Variants in RUBCN observed in about 807,000 individuals in gnomAD.
The protein encoded by RUBCN is run domain Beclin-1-interacting and cysteine-rich domain-containing protein.
Under a neutral mutation model 113.2 loss-of-function variants are expected in RUBCN, and 74 were observed. The observed-to-expected ratio is 0.65, with a 90% CI of 0.54 to 0.79. RUBCN has a LOEUF of 0.79. Ranked by LOEUF, RUBCN falls within the 30% of genes least tolerant of loss-of-function variation. RUBCN has a pLI of 0.00. For synonymous variants in RUBCN, 480 were observed against 490.0 expected (o/e 0.98, Z 0.27); for missense variants, 1,109 against 1,251.7 (o/e 0.89, Z 1.72).
chr3:197,698,327 G>A (rs980861329), intron 7 of RUBCN, among the ~76,000 whole-genome samples: 1 of 152,198 alleles, frequency 6.6e-6, no homozygotes, highest in Non-Finnish European at 1.5e-5. Context: ...CCACTTCCAG[G>A]AGGCCACGGC....
intron 5 of RUBCN, among the ~76,000 whole-genome samples, chr3:197,702,607 G>A (rs1350515400): frequency 6.6e-6 from 1 of 152,156 alleles, no homozygotes; most frequent in Non-Finnish European, 1.5e-5. Context: ...AGGCTGCAGT[G>A]AGCCAAGATC....
chr3:197,722,970 A>G (rs1305385900), intron 1 of RUBCN, among the ~76,000 whole-genome samples: 1 of 152,096 alleles, frequency 6.6e-6, no homozygotes, highest in African/African-American at 2.4e-5. Flanking sequence ...TAAGGTAATT[A>G]TCGATAAGTA....
At chr3:197,727,724 A>G (rs547287725) in intron 1 of RUBCN, among the ~76,000 whole-genome samples, 1 of 152,232 alleles carries the variant, frequency 6.6e-6, no homozygotes, top group Non-Finnish European at 1.5e-5. Flanking sequence ...GTAAAGACTT[A>G]AATCTGCTTG....
rs1724049578 is a variant in RUBCN at position 197,704,426 on chromosome 3, G to C, written c.463+116C>G. The C allele has an allele frequency of 5.1e-6, 5 of 971,280 alleles. No homozygotes were observed. The Admixed American group carries it at 8.5e-5, about 17-fold the overall frequency. The allele number at this position is 971,280 out of a possible 1,614,324, so 60.2% of individuals were successfully genotyped here. A position where few individuals can be genotyped will look rare whatever the true frequency, so the allele number is the denominator to read the frequency against. ...TCCAGCCTGGGTGACAAGAGCGTAA[G>C]TCCATCTCAAAGAAAAAAAGAAAAA... On this transcript the variant is annotated intron_variant, in intron 4 of 19. Coordinates refer to ENST00000296343, the MANE Select transcript of RUBCN (RefSeq NM_014687.4).
At chr3:197,682,734 G>GGAC in intron 13 of RUBCN, 119 bp from the exon 14 acceptor site, 1 of 1,333,886 alleles carries the variant, frequency 7.5e-7, no homozygotes, top group Admixed American at 1.9e-5. Flanking sequence ...AAGTTCACAC[G>GGAC]GACGGGCTTG....
chr3:197,679,544 G>A (rs1052020854), intron 16 of RUBCN, among the ~76,000 whole-genome samples: 3 of 138,624 alleles, frequency 2.2e-5, no homozygotes, highest in East Asian at 4.6e-4. Flanking sequence ...ACTGTCCTAC[G>A]CTCTGACAAC....
In RUBCN at chr3:197,674,605, G is replaced by T; in HGVS notation, c.*413C>A. 2.2e-6 allele frequency: 1 copy of T among 464,650 alleles called. No individual in the cohort carries two copies. 28.8% of individuals were successfully genotyped at this position (464,650 alleles called of 1,614,324 possible). ...CGTTTCAGCAGCAGGAGAGGTGGTTGAGAAAGGCCTGGCTCAGAAGCTCCA... is the reference window on the plus strand; with the variant it reads ...CGTTTCAGCAGCAGGAGAGGTGGTTTAGAAAGGCCTGGCTCAGAAGCTCCA... On this transcript the variant is annotated 3_prime_UTR_variant, in exon 20 of 20. Coordinates refer to ENST00000296343, the MANE Select transcript of RUBCN (RefSeq NM_014687.4).
At chr3:197,709,084 A>G (rs1412671930) in intron 2 of RUBCN, among the ~76,000 whole-genome samples, 1 of 152,202 alleles carries the variant, frequency 6.6e-6, no homozygotes, top group Non-Finnish European at 1.5e-5. Context: ...GCTTTGACCC[A>G]ATATCCTAAG....
chr3:197,725,970 A>G (rs1303072014), intron 1 of RUBCN, among the ~76,000 whole-genome samples: 1 of 152,172 alleles, frequency 6.6e-6, no homozygotes, highest in Non-Finnish European at 1.5e-5. Context: ...CTCTACTGCC[A>G]TGATCTTATT....
Position 197,700,685 on chromosome 3 carries a change from CAGTG to C in RUBCN, c.1185_1188del (p.Thr396SerfsTer33). On this transcript the variant is annotated frameshift_variant, in exon 7 of 20. Coordinates refer to ENST00000296343, the MANE Select transcript of RUBCN (RefSeq NM_014687.4). LOFTEE classifies it high-confidence loss of function. ...TGGCTTTTCTTTGCCCCACTGGTGA[CAGTG>C]AGTGTCTGCCCCTCTGAGAAGCTGG... 5.0e-6 allele frequency: 8 copies of C among 1,614,166 alleles called. No individual in the cohort carries two copies. Among genetic ancestry groups the C allele is most frequent in the Non-Finnish European group, 6.8e-6 (8 of 1,180,028 alleles).
At position 197,671,826 on chromosome 3, in the gene RUBCN, G is replaced by A. The variant is rs916823157; in HGVS notation, c.*3192C>T. ...CCCAGAGAAGTGAAGTGGTTCGCTCGAGGTCTCATGGCAAGTTAGAGACAC... is the reference window on the plus strand; with the variant it reads ...CCCAGAGAAGTGAAGTGGTTCGCTCAAGGTCTCATGGCAAGTTAGAGACAC... On this transcript the variant is annotated 3_prime_UTR_variant, in exon 20 of 20. Transcript: ENST00000296343. 5.9e-5 allele frequency: 9 copies of A among 152,178 alleles called. No homozygotes were observed. The highest frequency in any genetic ancestry group is 1.7e-4 in the African/African-American group (7 of 41,438). 9.4% of individuals were successfully genotyped at this position (152,178 alleles called of 1,614,324 possible).
In RUBCN at chr3:197,680,164, G is replaced by A. The variant is rs554992618; in HGVS notation, c.2430+965C>T. Among the ~76,000 whole-genome samples, 221 of 110,212 alleles carry A rather than the reference G, an allele frequency of 2.0e-3. 1 individual carries two copies. The highest frequency in any genetic ancestry group is 3.0e-3 in the Non-Finnish European group (164 of 53,874). 72.3% of individuals were successfully genotyped at this position (110,212 alleles called of 152,430 possible). On this transcript the variant is annotated intron_variant, in intron 16 of 19. Coordinates refer to ENST00000296343, the MANE Select transcript of RUBCN (RefSeq NM_014687.4). ...GACAACTGGCTCCAGACTGTCCTACGCTCTGACAACTGGCTCCAGACTGTC... is the reference window on the plus strand; with the variant it reads ...GACAACTGGCTCCAGACTGTCCTACACTCTGACAACTGGCTCCAGACTGTC...
At position 197,681,228 on chromosome 3, in the gene RUBCN, G is replaced by C; in HGVS notation, c.2331C>G (p.Ser777=). 1 of 1,614,132 alleles carries C rather than the reference G, an allele frequency of 6.2e-7. No individual in the cohort carries two copies. Among genetic ancestry groups the C allele is most frequent in the Non-Finnish European group, 8.5e-7 (1 of 1,179,972 alleles). ...TCCAGATCTTAATGAGCAGGTCCTT[G>C]GAGAAGTTGCTGACGTAGTACTTGC... The part of the protein sequence containing the change: ...DFSKYYVSNF[S]KDLLIKIWND... The change falls in exon 16 of 20, where the codon TCC becomes TCG. Residue 777 remains serine, a synonymous_variant. Transcript: ENST00000296343. The surrounding 1 kb of genome is among the most constrained non-coding windows in gnomAD (Gnocchi z 5.5).
chr3:197,684,350 G>GAGC (rs1721601131), intron 11 of RUBCN, 133 bp from the exon 12 acceptor site: 2 of 775,594 alleles, frequency 2.6e-6, no homozygotes, highest in Admixed American at 1.8e-5. Flanking sequence ...CAGGAGAAAG[G>GAGC]AGCAGGTGAA....
At chr3:197,705,010 G>T in intron 3 of RUBCN, 82 bp downstream of exon 3, 3 of 1,081,660 alleles carry the variant, frequency 2.8e-6, no homozygotes, top group Non-Finnish European at 1.4e-6. Flanking sequence ...CCTCCTTGGA[G>T]CCTAGAAGAT....
intron 18 of RUBCN, chr3:197,676,113 G>T: frequency 5.0e-6 from 4 of 802,066 alleles, no homozygotes; most frequent in Non-Finnish European, 6.1e-6. Context: ...AATACATAAA[G>T]TATACAAAAC....
upstream of RUBCN, chr3:197,737,280 C>G (rs1350361393): frequency 6.6e-6 from 1 of 151,660 alleles, no homozygotes; most frequent in Non-Finnish European, 1.5e-5. Context: ...TACGATTAAC[C>G]CCACTCAGCC....
At chr3:197,730,980 T>A (rs1362432670) in intron 1 of RUBCN, among the ~76,000 whole-genome samples, 1 of 150,508 alleles carries the variant, frequency 6.6e-6, no homozygotes, top group African/African-American at 2.5e-5. Flanking sequence ...TATTATGTGT[T>A]AACTAGAGGT....
At chr3:197,710,142 C>T (rs1362515582) in intron 2 of RUBCN, among the ~76,000 whole-genome samples, 2 of 150,896 alleles carry the variant, frequency 1.3e-5, no homozygotes, top group African/African-American at 4.9e-5. Context: ...TGCACTCCAG[C>T]CTGGGCAACA....
Sources: gnomAD v4.1 joint callset for allele counts (sites outside exome capture counted in the v4.1 genomes callset) on GRCh38, gnomAD v4.1.1 for gene constraint, Gnocchi (gnomAD v3.1) non-coding constraint, MANE v1.5 for transcripts, NCBI Gene and HGNC (gene_info 2026-07-23, HGNC 2026-07-21) for gene names.